TENM4: variants seen among roughly 807,000 people sequenced by gnomAD.
TENM4 encodes teneurin-4.
Under a neutral mutation model 243.3 loss-of-function variants are expected in TENM4, and 82 were observed. That is an observed-to-expected ratio of 0.34 (90% CI 0.28 to 0.40). The LOEUF (loss-of-function observed/expected upper bound fraction) is 0.40, where lower values mean the gene tolerates loss of function less well. Among genes scored for constraint, TENM4 ranks in the 10% least tolerant of loss-of-function variants. TENM4 has a pLI of 1.00. For synonymous variants in TENM4, 1,412 were observed against 1,456.3 expected (o/e 0.97, Z 0.69); for missense variants, 3,138 against 3,673.3 (o/e 0.85, Z 3.77).
chr11:78,663,912 C>A (rs1858088855), intron 32 of TENM4, among the ~76,000 whole-genome samples: 1 of 152,108 alleles, frequency 6.6e-6, no homozygotes, highest in African/African-American at 2.4e-5. Flanking sequence ...TTGTCTGGGG[C>A]CCCCTCTCCC....
chr11:79,136,169 C>A (rs912149968), intron 4 of TENM4, among the ~76,000 whole-genome samples: 3 of 151,976 alleles, frequency 2.0e-5, no homozygotes, highest in African/African-American at 7.3e-5. Flanking sequence ...ACTAGCTGTA[C>A]CCCAATAACT....
Position 78,692,842 on chromosome 11 carries a change from G to T in TENM4, c.5088-4616C>A, listed in dbSNP as rs140638532. On this transcript the variant is annotated intron_variant, in intron 28 of 33. Transcript: ENST00000278550. The stretch of plus-strand genomic sequence containing the variant: ...CTTCCCTCCAGTGTTGGCATGGCTT[G>T]TTCCTGTCATCAATCATGTTTCAGA... 2.0e-3 allele frequency among the ~76,000 whole-genome samples: 301 copies of T among 152,296 alleles called. 2 individuals are homozygous for T. Among genetic ancestry groups the T allele is most frequent in the African/African-American group, 6.8e-3 (283 of 41,542 alleles).
rs370005259 is a variant in TENM4, at chr11:79,300,677, C to T, written c.-320-3134G>A. Among the ~76,000 whole-genome samples the T allele has an allele frequency of 1.2e-3, 185 of 152,284 alleles. 9 individuals carry two copies. The South Asian group carries it at 0.038, about 31-fold the overall frequency. On this transcript the variant is annotated intron_variant, in intron 1 of 33. Coordinates refer to ENST00000278550, the MANE Select transcript of TENM4 (RefSeq NM_001098816.3). ...AATGGTACCTAATTATTTTAATCTG[C>T]CTCTCTTGAATATCAGTTAAACATC... is the stretch of plus-strand genomic sequence containing the variant.
chr11:78,739,879 G>A (rs961584580), intron 19 of TENM4, among the ~76,000 whole-genome samples: 4 of 152,120 alleles, frequency 2.6e-5, no homozygotes, highest in Admixed American at 1.3e-4. Context: ...TTATGTGCCC[G>A]AAGCTCCATA....
intron 1 of TENM4, among the ~76,000 whole-genome samples, chr11:79,409,060 T>TTGTGTGTGTGTGTGTGTGTGTG: frequency 7.0e-6 from 1 of 141,984 alleles, no homozygotes; most frequent in South Asian, 2.4e-4. Context: ...GAGGGATATT[T>TTGTGTGTGTGTGTGTGTGTGTG]TGTGTGTGTG....
At chr11:79,396,445 T>G (rs1290750347) in intron 1 of TENM4, among the ~76,000 whole-genome samples, 1 of 152,106 alleles carries the variant, frequency 6.6e-6, no homozygotes, top group African/African-American at 2.4e-5. Flanking sequence ...CAGGGTTCAG[T>G]CCCTCCTAAA....
rs374802426 is a variant in TENM4 at position 78,672,207 on chromosome 11, G to A, written c.5619C>T (p.Leu1873=). 1 of 1,613,934 alleles carries A rather than the reference G, an allele frequency of 6.2e-7. No individual in the cohort carries two copies. The highest frequency in any genetic ancestry group is 8.5e-7 in the Non-Finnish European group (1 of 1,179,896). Residue 1873 remains leucine (L), a synonymous_variant, in exon 31 of 34, where the codon CTC becomes CTT. Coordinates refer to ENST00000278550, the MANE Select transcript of TENM4 (RefSeq NM_001098816.3). ...ILYDQAGRPS[L]WSPSSRLNGV... is the part of the protein sequence containing the mutation. ...CATTCAGCCTGCTGCTGGGTGACCA[G>A]AGGCTGGGCCGCCCCGCCTGGTCGT...
In TENM4 at chr11:78,870,916, G is replaced by A. The variant is rs569759230; in HGVS notation, c.1085-7784C>T. ...TACAGAATAAACTGCTATTATTGCA[G>A]TAATAGAATAAGAAAGCTGTGTTTT... On this transcript the variant is annotated intron_variant, in intron 9 of 33. Coordinates refer to ENST00000278550, the MANE Select transcript of TENM4 (RefSeq NM_001098816.3). Among the ~76,000 whole-genome samples the A allele has an allele frequency of 1.4e-4, 22 of 152,294 alleles. No homozygotes were observed. In the Middle Eastern group the frequency reaches 0.01, roughly 71 times the overall value.
chr11:79,048,540 C>G (rs1012769481), intron 6 of TENM4, among the ~76,000 whole-genome samples: 1 of 152,156 alleles, frequency 6.6e-6, no homozygotes, highest in African/African-American at 2.4e-5. Context: ...TACCGAGACC[C>G]TAATGGCTCT....
chr11:78,913,407 A>G (rs955895433), intron 6 of TENM4, among the ~76,000 whole-genome samples: 1 of 152,124 alleles, frequency 6.6e-6, no homozygotes, highest in Non-Finnish European at 1.5e-5. Flanking sequence ...CTTTCCCCCA[A>G]CTTAAAGCTG....
In TENM4 at chr11:78,652,952, T is replaced by G. The variant is rs1005649025; in HGVS notation, c.*5106A>C. 3 of 152,096 alleles carry G rather than the reference T, an allele frequency of 2.0e-5. No homozygotes were observed. The highest frequency in any genetic ancestry group is 7.2e-5 in the African/African-American group (3 of 41,404). The allele number at this position is 152,096 out of a possible 1,614,324, so 9.4% of individuals were successfully genotyped here. On this transcript the variant is annotated 3_prime_UTR_variant, in exon 34 of 34. Coordinates refer to ENST00000278550, the MANE Select transcript of TENM4 (RefSeq NM_001098816.3). The stretch of plus-strand genomic sequence containing the variant: ...AGCAAGGCTCCCTCCTCTGGGAGGG[T>G]TGGGTTCGTTGGCCCCTTCAGCCTG...
At chr11:79,359,428 T>C (rs1208041817) in intron 1 of TENM4, among the ~76,000 whole-genome samples, 1 of 152,080 alleles carries the variant, frequency 6.6e-6, no homozygotes, top group Non-Finnish European at 1.5e-5. Flanking sequence ...CACTAAAGTA[T>C]TTACAGAGGA....
chr11:79,386,855 A>G (rs898297089), intron 1 of TENM4, among the ~76,000 whole-genome samples: 2 of 152,072 alleles, frequency 1.3e-5, no homozygotes, highest in Non-Finnish European at 2.9e-5. Context: ...TCACTTTGGA[A>G]AATTGGCAGT....
chr11:79,413,197 C>G (rs756149230), intron 1 of TENM4, among the ~76,000 whole-genome samples: 4 of 152,338 alleles, frequency 2.6e-5, no homozygotes, highest in Admixed American at 6.5e-5. Context: ...TTCTGGGCAC[C>G]TTGTGTTCCA....
At chr11:78,913,257 A>C (rs1186155329) in intron 6 of TENM4, among the ~76,000 whole-genome samples, 1 of 151,872 alleles carries the variant, frequency 6.6e-6, no homozygotes, top group African/African-American at 2.4e-5. Flanking sequence ...TACAAACATC[A>C]CTTTTTATAT....
intron 3 of TENM4, among the ~76,000 whole-genome samples, chr11:79,181,535 C>T (rs1863281585): frequency 6.6e-6 from 1 of 151,910 alleles, no homozygotes; most frequent in Non-Finnish European, 1.5e-5. Context: ...GGAAGAAAGC[C>T]AGGGTGTCTG....
chr11:78,732,442 C>T lies in TENM4; in HGVS notation c.3012G>A (p.Glu1004=). The T allele has an allele frequency of 2.5e-6, 4 of 1,613,864 alleles. No individual in the cohort carries two copies. The highest frequency in any genetic ancestry group is 3.4e-6 in the Non-Finnish European group (4 of 1,179,840). ...GGTCACAGCTGGGAATCTCATTCTC[C>T]TCATGTCTCATGATGATGGTTTCCA... ...FVMETIIMRH[E]ENEIPSCDLS... Residue 1004 remains glutamate (E), a synonymous_variant, in exon 21 of 34, where the codon GAG becomes GAA. Transcript: ENST00000278550.
At position 78,801,288 on chromosome 11, in the gene TENM4, C is replaced by A. The variant is rs1857277130; in HGVS notation, c.2179+4004G>T. 3.3e-5 allele frequency among the ~76,000 whole-genome samples: 5 copies of A among 152,194 alleles called. 1 individual carries two copies. The highest frequency in any genetic ancestry group is 3.3e-4 in the Admixed American group (5 of 15,286). On this transcript the variant is annotated intron_variant, in intron 15 of 33. Transcript: ENST00000278550. ...TAGCCACCTCCCCCACCATCACTAC[C>A]ACCACCATGATCAGTATCATCCTCA...
chr11:79,064,697 C>T, intron 6 of TENM4, 41 bp downstream of exon 6: 1 of 1,549,442 alleles, frequency 6.5e-7, no homozygotes, highest in Non-Finnish European at 8.7e-7. Context: ...ACCCCAGCCC[C>T]ACCACCCAGG....
Sources: gnomAD v4.1 joint callset for allele counts (sites outside exome capture counted in the v4.1 genomes callset) on GRCh38, gnomAD v4.1.1 for gene constraint, MANE v1.5 for transcripts, NCBI Gene and HGNC (gene_info 2026-07-23, HGNC 2026-07-21) for gene names.